The following CSMD1 variants were observed in gnomAD, a reference collection of about 807,000 sequenced individuals.
CSMD1 encodes the protein CUB and Sushi multiple domains 1, also known as CUB and sushi domain-containing protein 1.
In CSMD1, 213 loss-of-function variants were observed where a neutral mutation model predicts 417.5. That is an observed-to-expected ratio of 0.51 (90% confidence interval 0.46 to 0.57). CSMD1 has a LOEUF of 0.57. CSMD1 is among the 20% of genes least tolerant of loss of function. CSMD1 has a pLI of 0.00. For missense variants in CSMD1, 6,923 were observed against 4,529.7 expected, an observed-to-expected ratio of 1.53 and a Z score of -15.17; for synonymous variants, 2,862 against 1,736.8, an observed-to-expected ratio of 1.65 and a Z score of -16.11.
chr8:4,599,890 T>G (rs1480917799), intron 2 of CSMD1, among the ~76,000 whole-genome samples: 1 of 152,220 alleles, frequency 6.6e-6, no homozygotes, highest in Non-Finnish European at 1.5e-5. Flanking sequence ...GAGTTTTTTG[T>G]AAACTGCTCA....
chr8:4,781,441 C>T (rs946089037), intron 1 of CSMD1, among the ~76,000 whole-genome samples: 1 of 152,134 alleles, frequency 6.6e-6, no homozygotes, highest in African/African-American at 2.4e-5. Flanking sequence ...AATAACTGAC[C>T]GTCATCTTAT....
chr8:3,051,990 C>A (rs1407192049), intron 50 of CSMD1, among the ~76,000 whole-genome samples: 1 of 152,170 alleles, frequency 6.6e-6, no homozygotes, highest in African/African-American at 2.4e-5. Context: ...GCTTTATTTA[C>A]TGAGCATCGA....
intron 2 of CSMD1, among the ~76,000 whole-genome samples, chr8:4,464,355 G>A (rs986233516): frequency 6.6e-6 from 1 of 152,142 alleles, no homozygotes; most frequent in Non-Finnish European, 1.5e-5. Flanking sequence ...AACATTGTAA[G>A]CTGAAAAGAG....
intron 25 of CSMD1, among the ~76,000 whole-genome samples, chr8:3,287,912 C>G (rs574061474): frequency 6.9e-6 from 1 of 145,924 alleles, no homozygotes; most frequent in East Asian, 2.0e-4. Context: ...CAGTTTTTGC[C>G]TATTCAGTAT....
chr8:4,040,744 C>G (rs1411912442), intron 3 of CSMD1, among the ~76,000 whole-genome samples: 1 of 152,130 alleles, frequency 6.6e-6, no homozygotes, highest in African/African-American at 2.4e-5. Context: ...AAGTCAAAAA[C>G]AAGGTAAGCG....
chr8:4,679,512 C>G (rs902762327), intron 1 of CSMD1, among the ~76,000 whole-genome samples: 1 of 152,292 alleles, frequency 6.6e-6, no homozygotes, highest in African/African-American at 2.4e-5. Context: ...GTCTAGACTT[C>G]GCTTCTGGCA....
chr8:4,044,529 G>T (rs60952701), intron 3 of CSMD1, among the ~76,000 whole-genome samples: 1 of 152,174 alleles, frequency 6.6e-6, no homozygotes, highest in African/African-American at 2.4e-5. Flanking sequence ...AGGAGGAGCA[G>T]GACACTTCAT....
intron 3 of CSMD1, among the ~76,000 whole-genome samples, chr8:4,378,175 T>A (rs371301243): frequency 6.6e-6 from 1 of 152,198 alleles, no homozygotes; most frequent in Non-Finnish European, 1.5e-5. Context: ...ACTCTAGATA[T>A]TGCGACTCTA....
chr8:4,218,197 T>C (rs1800800568), intron 3 of CSMD1, among the ~76,000 whole-genome samples: 1 of 152,196 alleles, frequency 6.6e-6, no homozygotes, highest in Non-Finnish European at 1.5e-5. Flanking sequence ...CTAATCACTC[T>C]TGTTGGCACT....
chr8:4,581,178 A>G (rs1157979596), intron 2 of CSMD1, among the ~76,000 whole-genome samples: 2 of 152,244 alleles, frequency 1.3e-5, no homozygotes, highest in African/African-American at 2.4e-5. Context: ...TCTATTTTAG[A>G]ATTTAGTTGA....
chr8:3,009,821 C>G (rs1474842093), intron 52 of CSMD1, among the ~76,000 whole-genome samples: 1 of 152,114 alleles, frequency 6.6e-6, no homozygotes, highest in Non-Finnish European at 1.5e-5. Flanking sequence ...AACACGGGCC[C>G]GAGTCCTCTG....
intron 26 of CSMD1, among the ~76,000 whole-genome samples, chr8:3,241,581 T>C (rs1265261583): frequency 2.0e-5 from 3 of 152,166 alleles, no homozygotes; most frequent in Non-Finnish European, 2.9e-5. Context: ...TTGAACAGTC[T>C]GATTTTCAGT....
At chr8:3,027,609 C>G (rs1174231116) in intron 51 of CSMD1, among the ~76,000 whole-genome samples, 2 of 152,302 alleles carry the variant, frequency 1.3e-5, no homozygotes, top group Non-Finnish European at 2.9e-5. Context: ...TGTGATAGAA[C>G]AGCTCGTGCC....
At chr8:4,564,592 T>C (rs1798505024) in intron 2 of CSMD1, among the ~76,000 whole-genome samples, 1 of 152,178 alleles carries the variant, frequency 6.6e-6, no homozygotes, top group African/African-American at 2.4e-5. Flanking sequence ...CAGAGAAAAG[T>C]AAGCAAATCC....
intron 2 of CSMD1, among the ~76,000 whole-genome samples, chr8:4,428,475 G>C (rs973653818): frequency 2.6e-5 from 4 of 152,122 alleles, no homozygotes; most frequent in African/African-American, 7.2e-5. Flanking sequence ...GGAGTAAAAA[G>C]GCTGCATGCC....
chr8:3,498,253 TA>T (rs1246440429), intron 10 of CSMD1, among the ~76,000 whole-genome samples: 3 of 152,232 alleles, frequency 2.0e-5, no homozygotes, highest in Non-Finnish European at 2.9e-5. Context: ...TGAAGTTTTT[TA>T]TTATGTATTT....
chr8:4,869,322 T>C (rs1179911073), intron 1 of CSMD1, among the ~76,000 whole-genome samples: 1 of 152,176 alleles, frequency 6.6e-6, no homozygotes, highest in African/African-American at 2.4e-5. Flanking sequence ...GGAGGAGTTG[T>C]GTCTGTAGGG....
intron 1 of CSMD1, chr8:4,787,565 G>A (rs1021288452): frequency 1.6e-5 from 23 of 1,469,744 alleles, no homozygotes; most frequent in African/African-American, 1.4e-4. Flanking sequence ...TGGGGAGACA[G>A]CTTTCATTGC....
At chr8:4,307,271 T>A (rs1252774084) in intron 3 of CSMD1, among the ~76,000 whole-genome samples, 1 of 152,166 alleles carries the variant, frequency 6.6e-6, no homozygotes, top group Non-Finnish European at 1.5e-5. Flanking sequence ...AGAGGGCTGT[T>A]GATATCTCTC....
Sources: allele counts gnomAD v4.1 joint callset (sites outside exome capture counted in the v4.1 genomes callset), GRCh38; gene constraint gnomAD v4.1.1; transcripts MANE v1.5; gene names NCBI Gene and HGNC (gene_info 2026-07-23, HGNC 2026-07-21).